MYO1D: variants seen among roughly 807,000 people sequenced by gnomAD.
The protein encoded by MYO1D is unconventional myosin-Id.
In MYO1D, 83 loss-of-function variants were observed where a neutral mutation model predicts 122.0. The ratio of observed to expected loss-of-function variants is 0.68; its 90% CI spans 0.57 to 0.82. The LOEUF (loss-of-function observed/expected upper bound fraction) is 0.82. MYO1D is among the 40% of genes least tolerant of loss of function. The pLI is 0.00. For missense variants in MYO1D, 1,157 were observed against 1,269.5 expected (o/e 0.91, Z 1.35); for synonymous variants, 464 against 446.9 (o/e 1.04, Z -0.48).
intron 11 of MYO1D, among the ~76,000 whole-genome samples, chr17:32,754,357 G>T (rs1409082360): frequency 6.6e-6 from 1 of 152,200 alleles, no homozygotes; most frequent in African/African-American, 2.4e-5. Flanking sequence ...AATAGGGAAT[G>T]ACTGAAGCAG....
intron 21 of MYO1D, among the ~76,000 whole-genome samples, chr17:32,500,733 G>A (rs1442924806): frequency 1.3e-5 from 2 of 152,154 alleles, no homozygotes; most frequent in Admixed American, 6.5e-5. Context: ...GGGGCCAGGC[G>A]CAGTGGCTCA....
chr17:32,699,300 T>TG (rs2089216152), intron 16 of MYO1D, among the ~76,000 whole-genome samples: 1 of 152,214 alleles, frequency 6.6e-6, no homozygotes, highest in African/African-American at 2.4e-5. Context: ...TTTTTAAAGA[T>TG]GAAATGATAT....
chr17:32,694,456 C>T (rs572820078), intron 16 of MYO1D, among the ~76,000 whole-genome samples: 6 of 152,252 alleles, frequency 3.9e-5, no homozygotes, highest in Admixed American at 1.3e-4. Context: ...AATCCCAGCA[C>T]TTTGGGAGGT....
chr17:32,700,905 T>C (rs924179489), intron 16 of MYO1D, among the ~76,000 whole-genome samples: 4 of 149,260 alleles, frequency 2.7e-5, no homozygotes, highest in South Asian at 2.1e-4. Flanking sequence ...GATCACGCCA[T>C]TGTACTCCAG....
chr17:32,538,766 G>T (rs555422129), intron 21 of MYO1D, among the ~76,000 whole-genome samples: 12 of 152,240 alleles, frequency 7.9e-5, no homozygotes, highest in Admixed American at 7.2e-4. Context: ...CTATGCAGCC[G>T]TAAAAACGAA....
chr17:32,574,806 T>A (rs796396879), intron 21 of MYO1D, among the ~76,000 whole-genome samples: 9 of 152,290 alleles, frequency 5.9e-5, no homozygotes, highest in African/African-American at 1.4e-4. Flanking sequence ...TCCTAACATC[T>A]AAAACAGTGG....
chr17:32,598,509 G>C (rs1342230161), intron 21 of MYO1D, among the ~76,000 whole-genome samples: 1 of 152,224 alleles, frequency 6.6e-6, no homozygotes, highest in Non-Finnish European at 1.5e-5. Context: ...AGGTGTTTCT[G>C]GATGGTGTCT....
At chr17:32,628,616 A>T (rs2087959396) in intron 20 of MYO1D, among the ~76,000 whole-genome samples, 1 of 152,214 alleles carries the variant, frequency 6.6e-6, no homozygotes, top group African/African-American at 2.4e-5. Context: ...GAGTGAAGAG[A>T]TGGTTCTCAT....
At chr17:32,498,762 C>G (rs1909214359) in intron 21 of MYO1D, 1 of 152,200 alleles carries the variant, frequency 6.6e-6, no homozygotes, top group Non-Finnish European at 1.5e-5. Context: ...AGAGATGGTT[C>G]AAGAGAGCTA....
At chr17:32,543,524 C>T (rs967470037) in intron 21 of MYO1D, among the ~76,000 whole-genome samples, 5 of 151,278 alleles carry the variant, frequency 3.3e-5, no homozygotes, top group East Asian at 3.9e-4. Context: ...TGCAGTGAGC[C>T]GAGATCATGC....
chr17:32,707,959 G>A (rs1312695332), intron 16 of MYO1D, among the ~76,000 whole-genome samples: 3 of 152,154 alleles, frequency 2.0e-5, no homozygotes, highest in African/African-American at 7.2e-5. Context: ...AAGACTCTTG[G>A]AAGCCTGCTC....
At chr17:32,538,096 A>G (rs1415570205) in intron 21 of MYO1D, among the ~76,000 whole-genome samples, 1 of 152,152 alleles carries the variant, frequency 6.6e-6, no homozygotes, top group African/African-American at 2.4e-5. Flanking sequence ...TAGAAGTATA[A>G]TTGGCAGTGC....
intron 21 of MYO1D, among the ~76,000 whole-genome samples, chr17:32,568,345 A>G (rs377564): frequency 0.64 from 97,202 of 151,896 alleles, 31,829 homozygotes; most frequent in African/African-American, 0.79. Flanking sequence ...AGGCAAGTCC[A>G]TGTTTAGAAT....
chr17:32,532,705 CAG>C (rs1311696554), intron 21 of MYO1D, among the ~76,000 whole-genome samples: 2 of 117,584 alleles, frequency 1.7e-5, no homozygotes, highest in Non-Finnish European at 3.2e-5. Flanking sequence ...GCCTGGGCGA[CAG>C]AGTGAGACTC....
intron 20 of MYO1D, among the ~76,000 whole-genome samples, chr17:32,637,680 A>C (rs2088123600): frequency 6.6e-6 from 1 of 152,138 alleles, no homozygotes; most frequent in South Asian, 2.1e-4. Flanking sequence ...AAAATAAATA[A>C]AATAAAATAA....
At chr17:32,654,671 G>T in intron 17 of MYO1D, 50 bp from the exon 18 acceptor site, 2 of 1,476,274 alleles carry the variant, frequency 1.4e-6, no homozygotes, top group Non-Finnish European at 1.8e-6. Flanking sequence ...GCAATCCCAT[G>T]CATTCTCTCT....
rs760646890 is a variant in MYO1D at position 32,659,226 on chromosome 17, C to T, written c.2234G>A (p.Arg745Lys). The change falls in exon 17 of 22, where the codon AGA (arginine) becomes AAA (lysine). Residue 745 changes from arginine to lysine, a missense_variant. Physicochemically the swap from Arg to Lys is conservative, Grantham distance 26. Transcript: ENST00000318217. ...KVKSYIHEVA[R>K]RFHGVKTMRD... ...CATGGTCTTGACGCCATGGAAGCGT[C>T]TGGCCACCTCGTGGATGTACGACTT... is the stretch of plus-strand genomic sequence containing the variant. The T allele has an allele frequency of 1.2e-6, 2 of 1,614,222 alleles. No individual in the cohort carries two copies. The highest frequency in any genetic ancestry group is 1.7e-6 in the Non-Finnish European group (2 of 1,180,046).
intron 19 of MYO1D, among the ~76,000 whole-genome samples, chr17:32,644,637 C>G (rs1000985977): frequency 6.6e-6 from 1 of 152,174 alleles, no homozygotes; most frequent in Non-Finnish European, 1.5e-5. Flanking sequence ...GTTAGCTCTT[C>G]TTGTTGAATT....
chr17:32,650,545 G>A (rs1447072546), intron 19 of MYO1D, among the ~76,000 whole-genome samples: 2 of 152,002 alleles, frequency 1.3e-5, no homozygotes, highest in African/African-American at 4.8e-5. Context: ...TAGGCCACAG[G>A]AAGTTATCTA....
Sources: gnomAD v4.1 joint callset for allele counts (sites outside exome capture counted in the v4.1 genomes callset) on GRCh38, gnomAD v4.1.1 for gene constraint, MANE v1.5 for transcripts, NCBI Gene and HGNC (gene_info 2026-07-23, HGNC 2026-07-21) for gene names.